Variants in MTPN observed in about 807,000 individuals in gnomAD.
MTPN encodes the protein granule cell differentiation protein.
MTPN carries 2 observed loss-of-function variants against 13.5 expected under a neutral mutation model. The ratio of observed to expected loss-of-function variants is 0.15; its 90% CI spans 0.06 to 0.47. MTPN has a LOEUF of 0.47. Among genes scored for constraint, MTPN ranks in the 20% least tolerant of loss-of-function variants. The pLI is 0.97. For missense variants in MTPN, 79 were observed against 137.9 expected, an observed-to-expected ratio of 0.57 and a Z score of 2.14; for synonymous variants, 46 against 51.7, an observed-to-expected ratio of 0.89 and a Z score of 0.48.
intron 1 of MTPN, among the ~76,000 whole-genome samples, chr7:135,964,806 A>G (rs1190909079): frequency 6.6e-6 from 1 of 152,060 alleles, no homozygotes; most frequent in Admixed American, 6.6e-5. Context: ...GACCCCCAAA[A>G]TAAGTTTTAT....
intron 3 of MTPN, among the ~76,000 whole-genome samples, chr7:135,931,580 GAGAACT>G (rs1299341936): frequency 6.6e-6 from 1 of 152,164 alleles, no homozygotes; most frequent in East Asian, 1.9e-4. Flanking sequence ...GTCAGTGCGT[GAGAACT>G]TCAGTGCTGT....
intron 3 of MTPN, among the ~76,000 whole-genome samples, chr7:135,940,876 C>G: frequency 6.6e-6 from 1 of 152,214 alleles, no homozygotes; most frequent in East Asian, 1.9e-4. Flanking sequence ...ACTCAATTCA[C>G]AAGTCCATTC....
At chr7:135,958,261 G>A (rs1382929465) in intron 1 of MTPN, among the ~76,000 whole-genome samples, 1 of 152,102 alleles carries the variant, frequency 6.6e-6, no homozygotes, top group African/African-American at 2.4e-5. Context: ...AAAGAACAAT[G>A]TCTTACTTGT....
At chr7:135,940,897 T>A (rs1327893028) in intron 3 of MTPN, among the ~76,000 whole-genome samples, 1 of 152,232 alleles carries the variant, frequency 6.6e-6, no homozygotes, top group Non-Finnish European at 1.5e-5. Flanking sequence ...TGTGAATCTT[T>A]ACTGAGTTTC....
intron 1 of MTPN, among the ~76,000 whole-genome samples, chr7:135,960,092 T>C (rs1439763481): frequency 6.6e-6 from 1 of 152,062 alleles, no homozygotes; most frequent in Non-Finnish European, 1.5e-5. Flanking sequence ...TCTGAGATAG[T>C]GATGAAAAAG....
chr7:135,972,217 ACGCGCACGCGCGCG>A (rs1242510763), intron 1 of MTPN, among the ~76,000 whole-genome samples: 13 of 83,566 alleles, frequency 1.6e-4, no homozygotes, highest in South Asian at 4.6e-4. Flanking sequence ...ACACGCGCAC[ACGCGCACGCGCGCG>A]CACACACACA....
chr7:135,975,049 C>A (rs1179655438), intron 1 of MTPN, among the ~76,000 whole-genome samples: 1 of 152,176 alleles, frequency 6.6e-6, no homozygotes, highest in Non-Finnish European at 1.5e-5. Context: ...TCAATACTCC[C>A]TTTTGCTTTT....
intron 1 of MTPN, among the ~76,000 whole-genome samples, chr7:135,962,705 T>C (rs964570589): frequency 3.3e-5 from 5 of 152,056 alleles, no homozygotes; most frequent in African/African-American, 1.2e-4. Flanking sequence ...CAAAATCTTT[T>C]ACATGCTCCT....
At chr7:135,972,215 ACACGCGCACGCGCG>A (rs1188865497) in intron 1 of MTPN, among the ~76,000 whole-genome samples, 3 of 85,952 alleles carry the variant, frequency 3.5e-5, no homozygotes, top group Non-Finnish European at 4.9e-5. Flanking sequence ...ACACACGCGC[ACACGCGCACGCGCG>A]CGCACACACA....
chr7:135,959,506 T>G (rs1033716047), intron 1 of MTPN, among the ~76,000 whole-genome samples: 1 of 152,156 alleles, frequency 6.6e-6, no homozygotes, highest in Non-Finnish European at 1.5e-5. Flanking sequence ...AGTATAGAAT[T>G]AGATTAAGCT....
intron 1 of MTPN, among the ~76,000 whole-genome samples, chr7:135,952,592 C>T (rs1799379155): frequency 6.6e-6 from 1 of 152,104 alleles, no homozygotes; most frequent in East Asian, 1.9e-4. Context: ...CTTTCTGTAC[C>T]AACATGCTGT....
chr7:135,964,913 G>A (rs1160126648), intron 1 of MTPN, among the ~76,000 whole-genome samples: 2 of 152,072 alleles, frequency 1.3e-5, no homozygotes, highest in East Asian at 1.9e-4. Context: ...GTAGAGATGT[G>A]CAAACTACGG....
intron 3 of MTPN, among the ~76,000 whole-genome samples, chr7:135,935,115 A>T (rs1799094761): frequency 6.6e-6 from 1 of 152,216 alleles, no homozygotes; most frequent in African/African-American, 2.4e-5. Context: ...ATGTGGAGAC[A>T]GTATGCAGTT....
chr7:135,947,191 T>C (rs6944106), intron 3 of MTPN, among the ~76,000 whole-genome samples: 8,928 of 152,266 alleles, frequency 0.059, 307 homozygotes, highest in East Asian at 0.093. Flanking sequence ...CATCTCAGTC[T>C]TTCCTTTTGG....
intron 1 of MTPN, among the ~76,000 whole-genome samples, chr7:135,964,284 C>A (rs879826887): frequency 6.6e-6 from 1 of 152,076 alleles, no homozygotes; most frequent in Admixed American, 6.6e-5. Context: ...ATACAACCAT[C>A]TTATCTGCTG....
rs1470988135 is a variant in MTPN, at chr7:135,969,083, TGG to T, written c.72+7944_72+7945del. ...GATTATCACACTCTGGGGACTGTTG[TGG>T]GGTGGGGGGGGGGGAGGAGGGAGGG... On this transcript the variant is annotated intron_variant, in intron 1 of 3. Transcript: ENST00000393085. Among the ~76,000 whole-genome samples the T allele has an allele frequency of 3.5e-4, 8 of 22,962 alleles. No homozygotes were observed. The South Asian group carries it at 5.2e-3, about 15-fold the overall frequency. 15.1% of individuals were successfully genotyped at this position (22,962 alleles called of 152,430 possible).
At chr7:135,936,610 T>C (rs893649565) in intron 3 of MTPN, among the ~76,000 whole-genome samples, 3 of 152,218 alleles carry the variant, frequency 2.0e-5, no homozygotes, top group African/African-American at 7.2e-5. Flanking sequence ...AGCATTTCCA[T>C]TGTGAACAGG....
intron 3 of MTPN, among the ~76,000 whole-genome samples, chr7:135,945,827 T>C (rs1043500348): frequency 6.6e-6 from 1 of 152,042 alleles, no homozygotes; most frequent in Non-Finnish European, 1.5e-5. Context: ...AGCAGTGAGG[T>C]AGGTTTGTTT....
Position 135,929,902 on chromosome 7 carries a change from C to A in MTPN, c.*24G>T. On this transcript the variant is annotated 3_prime_UTR_variant, in exon 4 of 4. Transcript: ENST00000393085. ...TGAGGCCACAGGAGAGTCATTCTTC[C>A]GGAGTTATCAGTCCATCCATCCATC... The A allele has an allele frequency of 6.2e-7, 1 of 1,610,620 alleles. No individual in the cohort carries two copies. The highest frequency in any genetic ancestry group is 8.5e-7 in the Non-Finnish European group (1 of 1,176,942).
Sources: allele counts gnomAD v4.1 joint callset (sites outside exome capture counted in the v4.1 genomes callset), GRCh38; gene constraint gnomAD v4.1.1; transcripts MANE v1.5; gene names NCBI Gene and HGNC (gene_info 2026-07-23, HGNC 2026-07-21).